Variants in SYT14 observed in about 807,000 individuals in gnomAD.
SYT14 encodes synaptotagmin-14.
A neutral mutation model predicts 74.2 loss-of-function variants in SYT14; 32 were observed. That is an observed-to-expected ratio of 0.43 (90% CI 0.33 to 0.58). The LOEUF (loss-of-function observed/expected upper bound fraction) is 0.58. SYT14 is among the 20% of genes least tolerant of loss of function. The probability of loss-of-function intolerance (pLI) is 0.05; values close to 1 mark genes in which losing one functional copy is unlikely to be tolerated. For missense variants in SYT14, 791 were observed against 981.8 expected (o/e 0.81, Z 2.60); for synonymous variants, 298 against 337.7 (o/e 0.88, Z 1.29).
chr1:210,076,348 CAA>C (rs2081500520), intron 5 of SYT14, among the ~76,000 whole-genome samples: 1 of 152,110 alleles, frequency 6.6e-6, no homozygotes, highest in Admixed American at 6.5e-5. Flanking sequence ...GTATATAATT[CAA>C]GAGTTTTACA....
chr1:210,164,741 A>T (rs1031570285), exon 10 of SYT14: 1 of 152,016 alleles, frequency 6.6e-6, no homozygotes, highest in Non-Finnish European at 1.5e-5. Context: ...CAATTCACAG[A>T]TTTTTCACAA....
At chr1:210,152,242 A>C (rs944844894) in intron 7 of SYT14, among the ~76,000 whole-genome samples, 1 of 152,192 alleles carries the variant, frequency 6.6e-6, no homozygotes, top group Non-Finnish European at 1.5e-5. Context: ...GTCTACAGTT[A>C]AAAATAGGAG....
In SYT14 at chr1:210,114,639, A is replaced by T. The variant is rs183493751; in HGVS notation, c.2034+14178A>T. ...TTTTATATTTGATAAAAAGGAGCCTAAACGCTAACTGATATGGGAGAGGTC... is the reference window on the plus strand; with the variant it reads ...TTTTATATTTGATAAAAAGGAGCCTTAACGCTAACTGATATGGGAGAGGTC... On this transcript the variant is annotated intron_variant, in intron 7 of 9. Coordinates refer to ENST00000637265, the Ensembl canonical transcript of SYT14. Among the ~76,000 whole-genome samples the T allele has an allele frequency of 8.8e-3, 1,328 of 151,356 alleles. 90 individuals carry two copies. Among genetic ancestry groups the T allele is most frequent in the African/African-American group, 0.031 (1,267 of 40,624 alleles).
chr1:209,997,584 A>G (rs1036038291), intron 2 of SYT14, among the ~76,000 whole-genome samples: 1 of 152,132 alleles, frequency 6.6e-6, no homozygotes, highest in Admixed American at 6.5e-5. Flanking sequence ...TTAAACTACC[A>G]ATGTAATTCT....
intron 2 of SYT14, among the ~76,000 whole-genome samples, chr1:210,008,066 T>G (rs917199071): frequency 6.6e-6 from 1 of 152,184 alleles, no homozygotes; most frequent in Non-Finnish European, 1.5e-5. Flanking sequence ...TTACTTACTC[T>G]TTGTGAACCT....
At chr1:210,041,662 A>G (rs1444968089) in intron 5 of SYT14, among the ~76,000 whole-genome samples, 1 of 152,194 alleles carries the variant, frequency 6.6e-6, no homozygotes, top group Non-Finnish European at 1.5e-5. Context: ...TATTGTTAAA[A>G]ACAGTAGAAG....
intron 2 of SYT14, among the ~76,000 whole-genome samples, chr1:209,982,748 A>G (rs1311111222): frequency 1.3e-5 from 2 of 152,206 alleles, no homozygotes; most frequent in Non-Finnish European, 2.9e-5. Context: ...GTAAGAATAT[A>G]TTTAGCTTTG....
At chr1:210,061,963 A>G (rs10489346) in intron 5 of SYT14, among the ~76,000 whole-genome samples, 7,592 of 151,740 alleles carry the variant, frequency 0.05, 1,038 homozygotes, top group East Asian at 0.42. Context: ...CTTTTTTTCA[A>G]TAGTGTAAAG....
In SYT14 at chr1:210,013,616, A is replaced by AC; in HGVS notation, c.-485-16dup. On this transcript the variant is annotated splice_polypyrimidine_tract_variant and intron_variant, in intron 2 of 9. Coordinates refer to ENST00000637265, the Ensembl canonical transcript of SYT14. ...AGAAAAATAAATGCTTACAGCTGTG[A>AC]CTTTTTTTTTCTCTAGTATCTCCAG... 1.2e-6 allele frequency: 2 copies of AC among 1,607,072 alleles called. No individual in the cohort carries two copies.
At chr1:210,073,701 T>G (rs2081436565) in intron 5 of SYT14, among the ~76,000 whole-genome samples, 1 of 151,894 alleles carries the variant, frequency 6.6e-6, no homozygotes, top group Admixed American at 6.5e-5. Context: ...TTGTTTTTGT[T>G]TTTTTTTGTC....
At chr1:210,072,127 T>A (rs2081406551) in intron 5 of SYT14, among the ~76,000 whole-genome samples, 1 of 102,324 alleles carries the variant, frequency 9.8e-6, no homozygotes, top group South Asian at 2.8e-4. Flanking sequence ...AGCTGGTTAA[T>A]TAAAGATATA....
chr1:210,036,606 T>A (rs2080668612), intron 5 of SYT14, among the ~76,000 whole-genome samples: 1 of 152,064 alleles, frequency 6.6e-6, no homozygotes, highest in Non-Finnish European at 1.5e-5. Flanking sequence ...ATATGTTCCT[T>A]CTATATCTGG....
Position 210,028,114 on chromosome 1 carries a change from A to G in SYT14, c.1312+6860A>G, listed in dbSNP as rs530086525. Among the ~76,000 whole-genome samples, 9 of 152,246 alleles carry G rather than the reference A, an allele frequency of 5.9e-5. No homozygotes were observed. The East Asian group carries it at 9.7e-4, about 16-fold the overall frequency. ...CAATATTCTACTTTCTGTCTCTATG[A>G]ACTTGACTACTCTGGGTAGATCATA... On this transcript the variant is annotated intron_variant, in intron 5 of 9. Transcript: ENST00000637265.
Position 210,100,483 on chromosome 1 carries a change from C to G in SYT14, c.2034+22C>G, listed in dbSNP as rs2082043965. The G allele has an allele frequency of 2.5e-6, 4 of 1,602,510 alleles. No homozygotes were observed. The African/African-American group carries it at 4.0e-5, about 16-fold the overall frequency. On this transcript the variant is annotated intron_variant, in intron 7 of 9. Transcript: ENST00000637265. ...TTCTGTGAGTATCTCATCAAATGGC[C>G]TGAATACAGTTTATGTTCATGGTTT... is the stretch of plus-strand genomic sequence containing the variant.
chr1:210,086,503 C>A (rs114497082), intron 5 of SYT14, among the ~76,000 whole-genome samples: 4,058 of 152,262 alleles, frequency 0.027, 190 homozygotes, highest in African/African-American at 0.091. Context: ...TTTGACATAT[C>A]CCCATCAGTC....
chr1:210,064,660 A>G (rs1485312940), intron 5 of SYT14, among the ~76,000 whole-genome samples: 1 of 152,046 alleles, frequency 6.6e-6, no homozygotes, highest in Non-Finnish European at 1.5e-5. Context: ...CTATCCATTC[A>G]TCCTCTGATG....
intron 7 of SYT14, among the ~76,000 whole-genome samples, chr1:210,128,610 A>T (rs1370537092): frequency 6.6e-6 from 1 of 152,196 alleles, no homozygotes; most frequent in Non-Finnish European, 1.5e-5. Context: ...TAGTAGCTGA[A>T]GTGTTTGTTC....
chr1:209,952,632 T>C, intron 1 of SYT14, 77 bp from the exon 2 acceptor site: 3 of 1,316,258 alleles, frequency 2.3e-6, no homozygotes, highest in Non-Finnish European at 3.3e-6. Flanking sequence ...TAGGTGCTAA[T>C]TTAAAATGAT....
chr1:210,064,503 T>C (rs915548679), intron 5 of SYT14, among the ~76,000 whole-genome samples: 17 of 152,102 alleles, frequency 1.1e-4, no homozygotes, highest in Non-Finnish European at 4.4e-5. Flanking sequence ...AAATAACTGA[T>C]GTAAATGGAA....
Sources: allele counts gnomAD v4.1 joint callset (sites outside exome capture counted in the v4.1 genomes callset), GRCh38; gene constraint gnomAD v4.1.1; transcripts MANE v1.5; gene names NCBI Gene and HGNC (gene_info 2026-07-23, HGNC 2026-07-21).